The following NDUFA10 variants were observed in gnomAD, a reference collection of about 807,000 sequenced individuals.
NDUFA10 encodes the protein NADH dehydrogenase [ubiquinone] 1 alpha subcomplex subunit 10, mitochondrial.
In NDUFA10, 40 loss-of-function variants were observed where a neutral mutation model predicts 47.8. That is an observed-to-expected ratio of 0.84 (90% CI 0.65 to 1.09). The LOEUF is 1.09. NDUFA10 is among the 50% of genes least tolerant of loss of function. The pLI, the probability that NDUFA10 is intolerant of heterozygous loss-of-function variation, is 0.00. For missense variants in NDUFA10, 413 were observed against 451.1 expected (o/e 0.92, Z 0.76); for synonymous variants, 183 against 172.2 (o/e 1.06, Z -0.49).
At chr2:239,942,382 C>T (rs536934106) in intron 4 of NDUFA10, among the ~76,000 whole-genome samples, 202 of 152,340 alleles carry the variant, frequency 1.3e-3, no homozygotes, top group African/African-American at 4.5e-3. Flanking sequence ...AGGCTGGGGC[C>T]GCTGGTCCAG....
chr2:239,951,219 C>T (rs1347588361), intron 4 of NDUFA10, among the ~76,000 whole-genome samples: 1 of 152,174 alleles, frequency 6.6e-6, no homozygotes, highest in African/African-American at 2.4e-5. Context: ...AACCCTGCAG[C>T]GATGGGACCC....
In NDUFA10 at chr2:239,906,329, AC is replaced by A. The variant is rs1693655418; in HGVS notation, c.295-11016del. On this transcript the variant is annotated intron_variant, in intron 4 of 5. Transcript: ENST00000419408. This position sits in a 1 kb window ranked among gnomAD's most constrained non-coding sequence, Gnocchi z 4.3. ...TGCCTTGCTGACTGTCTAGGCACTGACCACGCCCTGTTGATAGACGCCGAGG... is the reference window on the plus strand; with the variant it reads ...TGCCTTGCTGACTGTCTAGGCACTGACACGCCCTGTTGATAGACGCCGAGG... Among the ~76,000 whole-genome samples the A allele has an allele frequency of 6.6e-6, 1 of 152,186 alleles. No homozygotes were observed. The highest frequency in any genetic ancestry group is 2.4e-5 in the African/African-American group (1 of 41,444).
At position 239,957,471 on chromosome 2, in the gene NDUFA10, C is replaced by CA. The variant is rs1694687453; in HGVS notation, c.*3646dup. 6.6e-6 allele frequency: 1 copy of CA among 152,060 alleles called. No individual in the cohort carries two copies. The highest frequency in any genetic ancestry group is 2.4e-5 in the African/African-American group (1 of 41,396). The allele number at this position is 152,060 out of a possible 1,614,324, so 9.4% of individuals were successfully genotyped here. A position where few individuals can be genotyped will look rare whatever the true frequency, so the allele number is the denominator to read the frequency against. On this transcript the variant is annotated 3_prime_UTR_variant, in exon 10 of 10. Transcript: ENST00000252711. ...TTGGATCTAACTAACTAGGGAGCTT[C>CA]AGAATTTTAATTTAAAGATAAAAAG...
At chr2:239,911,680 C>CGTGTGTGT (rs112686987) in intron 4 of NDUFA10, among the ~76,000 whole-genome samples, 1 of 149,734 alleles carries the variant, frequency 6.7e-6, no homozygotes, top group Non-Finnish European at 1.5e-5. Flanking sequence ...AGTGTGTGTG[C>CGTGTGTGT]GTGTGTGTGT....
At chr2:239,913,382 G>T (rs1268957566) in intron 4 of NDUFA10, among the ~76,000 whole-genome samples, 2 of 152,224 alleles carry the variant, frequency 1.3e-5, no homozygotes, top group Non-Finnish European at 2.9e-5. Flanking sequence ...CTGAGGACAT[G>T]ACGGGTCCTA....
intron 3 of NDUFA10, 44 bp from the exon 4 acceptor site, chr2:240,018,683 G>C (rs759925334): frequency 9.5e-6 from 15 of 1,585,806 alleles, no homozygotes; most frequent in Non-Finnish European, 1.3e-5. Flanking sequence ...CAGACAGATA[G>C]CAAAGCACTG....
At chr2:239,973,099 G>C (rs562297855) in intron 9 of NDUFA10, among the ~76,000 whole-genome samples, 1 of 152,132 alleles carries the variant, frequency 6.6e-6, no homozygotes, top group Admixed American at 6.5e-5. Flanking sequence ...TAAATAACTC[G>C]GGCATACAGA....
At chr2:239,914,335 G>C (rs1693804054) in intron 4 of NDUFA10, among the ~76,000 whole-genome samples, 2 of 141,192 alleles carry the variant, frequency 1.4e-5, no homozygotes, top group African/African-American at 5.4e-5. Context: ...TACATATACA[G>C]ACACACACAA....
intron 4 of NDUFA10, among the ~76,000 whole-genome samples, chr2:239,908,355 C>A (rs1693692943): frequency 6.6e-6 from 1 of 152,208 alleles, no homozygotes; most frequent in South Asian, 2.1e-4. Context: ...ACGTAACAAA[C>A]CTGCACATTG....
chr2:239,904,438 C>G (rs183232673), intron 4 of NDUFA10, among the ~76,000 whole-genome samples: 20 of 152,302 alleles, frequency 1.3e-4, no homozygotes, highest in Admixed American at 1.3e-3. Flanking sequence ...GCTGGGATTA[C>G]AGGCACACGC....
intron 8 of NDUFA10, among the ~76,000 whole-genome samples, chr2:239,990,688 T>C (rs1696209763): frequency 6.6e-6 from 1 of 152,208 alleles, no homozygotes; most frequent in Non-Finnish European, 1.5e-5. Context: ...CAACATAGGA[T>C]GGTCTGTTGT....
chr2:239,924,242 C>T (rs1350765486), intron 4 of NDUFA10, among the ~76,000 whole-genome samples: 1 of 151,840 alleles, frequency 6.6e-6, no homozygotes, highest in Non-Finnish European at 1.5e-5. Flanking sequence ...AAAGGAAGCA[C>T]AAAAATGAAA....
Position 239,905,518 on chromosome 2 carries a change from C to T in NDUFA10, c.295-10204G>A, listed in dbSNP as rs568798146. Reference sequence around the variant, plus strand: ...CTACACGCGTGTGAGGCCAACAGCACCTGCTGTCGGTTCTGCACTGAGCAA... The same window carrying T: ...CTACACGCGTGTGAGGCCAACAGCATCTGCTGTCGGTTCTGCACTGAGCAA... On this transcript the variant is annotated intron_variant, in intron 4 of 5. Transcript: ENST00000419408. Among the ~76,000 whole-genome samples the T allele has an allele frequency of 2.2e-4, 34 of 152,336 alleles. No homozygotes were observed. The South Asian group carries it at 3.7e-3, about 17-fold the overall frequency.
chr2:239,993,073 C>T (rs1407037829), intron 8 of NDUFA10, among the ~76,000 whole-genome samples: 1 of 152,112 alleles, frequency 6.6e-6, no homozygotes, highest in Non-Finnish European at 1.5e-5. Context: ...AAGGACAAAG[C>T]CATTCATAGT....
Position 239,928,048 on chromosome 2 carries a change from A to G in NDUFA10, c.295-32734T>C, listed in dbSNP as rs535948692. ...AGACACAAAACACCAGTACCCAGGTAAAGAGCGACTGAAGTCAAGAAGGGC... is the reference window on the plus strand; with the variant it reads ...AGACACAAAACACCAGTACCCAGGTGAAGAGCGACTGAAGTCAAGAAGGGC... On this transcript the variant is annotated intron_variant, in intron 4 of 5. Coordinates refer to the NDUFA10 transcript ENST00000419408. The surrounding 1 kb of genome is among the most constrained non-coding windows in gnomAD (Gnocchi z 4.3). 6.6e-6 allele frequency among the ~76,000 whole-genome samples: 1 copy of G among 152,220 alleles called. No homozygotes were observed. The highest frequency in any genetic ancestry group is 6.5e-5 in the Admixed American group (1 of 15,288).
At chr2:239,989,416 T>A (rs1195957542) in intron 9 of NDUFA10, among the ~76,000 whole-genome samples, 1 of 152,248 alleles carries the variant, frequency 6.6e-6, no homozygotes, top group Admixed American at 6.5e-5. Context: ...ACTATTTCAC[T>A]TTTACCCATA....
intron 8 of NDUFA10, among the ~76,000 whole-genome samples, chr2:239,991,293 C>T (rs1185300780): frequency 6.6e-6 from 1 of 152,168 alleles, no homozygotes; most frequent in Admixed American, 6.5e-5. Flanking sequence ...AAAACCGCGT[C>T]GCTCATACAC....
chr2:239,940,813 T>TAC (rs200728070), intron 4 of NDUFA10, among the ~76,000 whole-genome samples: 2 of 152,234 alleles, frequency 1.3e-5, no homozygotes, highest in Non-Finnish European at 2.9e-5. Flanking sequence ...GGATTTCCAC[T>TAC]ATACAGCACA....
intron 3 of NDUFA10, 130 bp downstream of exon 3, chr2:240,021,067 G>T: frequency 1.3e-6 from 1 of 755,444 alleles, no homozygotes; most frequent in Non-Finnish European, 2.3e-6. Context: ...TCATGATCTT[G>T]TTGGAAAGAC....
Sources: allele counts gnomAD v4.1 joint callset (sites outside exome capture counted in the v4.1 genomes callset), GRCh38; gene constraint gnomAD v4.1.1; non-coding constraint Gnocchi (gnomAD v3.1); transcripts MANE v1.5; gene names NCBI Gene and HGNC (gene_info 2026-07-23, HGNC 2026-07-21).